Variants in C12orf42 observed in about 807,000 individuals in gnomAD.
C12orf42 encodes chromosome 12 open reading frame 42.
C12orf42 carries 25 observed loss-of-function variants against 21.6 expected under a neutral mutation model. That is an observed-to-expected ratio of 1.16 (90% CI 0.84 to 1.62). The LOEUF (loss-of-function observed/expected upper bound fraction) is 1.62. C12orf42 is among the 40% of genes most tolerant of loss of function. The pLI, the probability that C12orf42 is intolerant of heterozygous loss-of-function variation, is 0.00. For synonymous variants in C12orf42, 174 were observed against 175.0 expected, an observed-to-expected ratio of 0.99 and a Z score of 0.05; for missense variants, 483 against 459.3, an observed-to-expected ratio of 1.05 and a Z score of -0.47.
At chr12:103,161,991 G>T in the C12orf42 span, among the ~76,000 whole-genome samples, 1 of 152,238 alleles carries the variant, frequency 6.6e-6, no homozygotes, top group South Asian at 2.1e-4. Flanking sequence ...GTTCCCACAG[G>T]TTTGGGGAAT....
chr12:103,211,371 G>A, the C12orf42 span, among the ~76,000 whole-genome samples: 1 of 152,110 alleles, frequency 6.6e-6, no homozygotes, highest in African/African-American at 2.4e-5. Flanking sequence ...AGTCATGTTG[G>A]GAGTTAAGGC....
the C12orf42 span, chr12:103,163,017 AAAAATCC>A: frequency 6.6e-6 from 1 of 152,242 alleles, no homozygotes; most frequent in Admixed American, 6.5e-5. Context: ...TTGAAGGAGA[AAAAATCC>A]TTCTTTTTCC....
intron 4 of C12orf42, among the ~76,000 whole-genome samples, chr12:103,294,411 A>AAGAAAGAAAGAAAGAG (rs777688141): frequency 7.2e-6 from 1 of 139,090 alleles, no homozygotes; most frequent in East Asian, 2.1e-4. Context: ...GAAAGAAAGA[A>AAGAAAGAAAGAAAGAG]AGAGAGAAAG....
At chr12:103,550,709 T>C in the C12orf42 span, 322 of 152,284 alleles carry the variant, frequency 2.1e-3, 1 homozygote, top group African/African-American at 7.5e-3. Flanking sequence ...ATTTCTTTGA[T>C]AGCTAAAAAA....
Position 103,478,394 on chromosome 12 carries a change from T to G in C12orf42, c.33A>C (p.Glu11Asp), listed in dbSNP as rs10778257. MSTVICMKQR[E>D]EEFLLTIRPF... Reference sequence around the variant, plus strand: ...GTCTGATGGTTAGCAAGAATTCTTCTTCCCTTTGTTTCATACATATCACTG... The same window carrying G: ...GTCTGATGGTTAGCAAGAATTCTTCGTCCCTTTGTTTCATACATATCACTG... The change falls in exon 2 of 6, where the codon GAA (glutamate) becomes GAC (aspartate). Residue 11 changes from glutamate (E) to aspartate (D), a missense_variant. Physicochemically the swap from Glu to Asp is conservative, Grantham distance 45. Transcript: ENST00000548883. 1,031,683 of 1,594,896 alleles carry G rather than the reference T, an allele frequency of 0.65. 341,128 individuals are homozygous for G. Among genetic ancestry groups the G allele is most frequent in the Admixed American group, 0.75 (43,609 of 58,238 alleles).
intron 4 of C12orf42, among the ~76,000 whole-genome samples, chr12:103,279,172 T>A (rs2035952559): frequency 1.3e-5 from 2 of 152,306 alleles, no homozygotes; most frequent in East Asian, 3.9e-4. Flanking sequence ...TTCACAATAC[T>A]TTATTATATG....
chr12:103,183,019 C>G, the C12orf42 span, among the ~76,000 whole-genome samples: 1 of 152,176 alleles, frequency 6.6e-6, no homozygotes, highest in South Asian at 2.1e-4. Context: ...AATCACTGTA[C>G]TCCTCTTGTA....
At chr12:103,401,585 A>C in intron 3 of C12orf42, 22 bp downstream of exon 3, 1 of 1,610,404 alleles carries the variant, frequency 6.2e-7, no homozygotes, top group South Asian at 1.1e-5. Context: ...GCAGCCCTGC[A>C]CATAACATTC....
rs2038289332 is a variant in C12orf42, at chr12:103,306,125, C to A, written c.480G>T (p.Gln160His). ...TEERARGAPK[Q>H]AWNSSFLEQL... The stretch of plus-strand genomic sequence containing the variant: ...GTTCCAAAAATGAACTGTTCCAAGC[C>A]TGCTTGGGTGCTCCTCTGGCTCTCT... Residue 160 changes from glutamine to histidine, a missense_variant, in exon 5 of 6, where the codon CAG (glutamine) becomes CAT (histidine). By Grantham distance (24) the Gln-to-His change is conservative. Transcript: ENST00000548883. The A allele has an allele frequency of 6.2e-7, 1 of 1,613,792 alleles. No individual in the cohort carries two copies. The highest frequency in any genetic ancestry group is 1.3e-5 in the African/African-American group (1 of 74,898).
the C12orf42 span, among the ~76,000 whole-genome samples, chr12:103,540,651 A>G: frequency 3.9e-5 from 6 of 152,136 alleles, no homozygotes; most frequent in African/African-American, 1.4e-4. Context: ...CTATCCATTT[A>G]TCTCCAATCT....
intron 4 of C12orf42, among the ~76,000 whole-genome samples, chr12:103,366,645 G>C (rs1463089824): frequency 6.6e-6 from 1 of 151,966 alleles, no homozygotes; most frequent in African/African-American, 2.4e-5. Context: ...CAAGAAGTGG[G>C]CTAGGGACAT....
the C12orf42 span, among the ~76,000 whole-genome samples, chr12:103,216,088 G>C: frequency 1.3e-5 from 2 of 152,154 alleles, no homozygotes; most frequent in African/African-American, 4.8e-5. Context: ...GATTCAGAGA[G>C]AAGTTTGGAC....
At chr12:103,169,737 T>C in the C12orf42 span, among the ~76,000 whole-genome samples, 3 of 151,896 alleles carry the variant, frequency 2.0e-5, no homozygotes, top group South Asian at 2.1e-4. Context: ...ATTAAAAAGA[T>C]ATACATATAA....
intron 4 of C12orf42, among the ~76,000 whole-genome samples, chr12:103,326,067 T>G (rs550362894): frequency 6.6e-6 from 1 of 152,322 alleles, no homozygotes; most frequent in African/African-American, 2.4e-5. Context: ...ACTAATTTAA[T>G]TTCCTCACAA....
downstream of C12orf42, among the ~76,000 whole-genome samples, chr12:103,265,719 G>C (rs748390786): frequency 1.3e-5 from 2 of 152,164 alleles, no homozygotes; most frequent in Non-Finnish European, 2.9e-5. Context: ...AACTGTCAGG[G>C]AGAGAAGGCA....
chr12:103,255,886 C>T (rs1488209401), intron 10 of C12orf42, among the ~76,000 whole-genome samples: 18 of 149,728 alleles, frequency 1.2e-4, no homozygotes, highest in African/African-American at 4.4e-4. Context: ...CCCGTCTCTA[C>T]TAAAAATACA....
intron 4 of C12orf42, among the ~76,000 whole-genome samples, chr12:103,360,515 G>T (rs150730334): frequency 7.0e-4 from 107 of 152,124 alleles, no homozygotes; most frequent in African/African-American, 2.5e-3. Context: ...AGCAAATCAT[G>T]TAATTATAAA....
chr12:103,351,689 G>A (rs998355682), intron 4 of C12orf42, among the ~76,000 whole-genome samples: 2 of 152,160 alleles, frequency 1.3e-5, no homozygotes, highest in African/African-American at 4.8e-5. Flanking sequence ...ACAGCCTGGC[G>A]ATTTTAAGAT....
chr12:103,073,924 A>T, the C12orf42 span, among the ~76,000 whole-genome samples: 1 of 152,086 alleles, frequency 6.6e-6, no homozygotes, highest in African/African-American at 2.4e-5. Flanking sequence ...AGAGGTTAAC[A>T]TATTTGCCTG....
Sources: gnomAD v4.1 joint callset for allele counts (sites outside exome capture counted in the v4.1 genomes callset) on GRCh38, gnomAD v4.1.1 for gene constraint, MANE v1.5 for transcripts, NCBI Gene and HGNC (gene_info 2026-07-23, HGNC 2026-07-21) for gene names.